CDK15: variants seen among roughly 807,000 people sequenced by gnomAD.
The protein encoded by CDK15 is cyclin-dependent kinase 15.
CDK15 carries 62 observed loss-of-function variants against 60.3 expected under a neutral mutation model. The ratio of observed to expected loss-of-function variants is 1.03; its 90% CI spans 0.84 to 1.27. CDK15 has a LOEUF of 1.27. Ranked by LOEUF, CDK15 falls within the 50% of genes most tolerant of loss-of-function variation. The pLI is 0.00. For missense variants in CDK15, 541 were observed against 527.8 expected, an observed-to-expected ratio of 1.03 and a Z score of -0.25; for synonymous variants, 194 against 195.7, an observed-to-expected ratio of 0.99 and a Z score of 0.07.
chr2:201,865,889 C>CAAAAAAAAAAAAA (rs1262940691), intron 10 of CDK15, among the ~76,000 whole-genome samples: 1 of 24,830 alleles, frequency 4.0e-5, no homozygotes, highest in Non-Finnish European at 8.2e-5. Context: ...GATTCCATCT[C>CAAAAAAAAAAAAA]AACAAAAAAA....
chr2:201,836,160 A>ATAT (rs1697068423), intron 8 of CDK15, among the ~76,000 whole-genome samples: 11 of 23,784 alleles, frequency 4.6e-4, no homozygotes, highest in Non-Finnish European at 9.8e-4. Context: ...TATTTTATAT[A>ATAT]TTTATATATT....
At chr2:201,835,243 C>T (rs1197162977) in intron 7 of CDK15, among the ~76,000 whole-genome samples, 8 of 152,194 alleles carry the variant, frequency 5.3e-5, no homozygotes, top group Non-Finnish European at 1.0e-4. Context: ...GCTTCTGTCA[C>T]GTGGCTCCTC....
intron 2 of CDK15, 65 bp from the exon 3 acceptor site, chr2:201,807,793 C>CT (rs1051456255): frequency 2.6e-6 from 4 of 1,555,908 alleles, no homozygotes; most frequent in African/African-American, 2.8e-5. Flanking sequence ...AAAGTCAACA[C>CT]TAAAAAAAAG....
chr2:201,839,965 GT>G (rs1178167563), intron 8 of CDK15, among the ~76,000 whole-genome samples: 10 of 144,010 alleles, frequency 6.9e-5, no homozygotes, highest in South Asian at 2.3e-4. Flanking sequence ...TGCTGCTGGG[GT>G]TTTTTTTTTG....
At chr2:201,825,443 C>G (rs1696433416) in intron 6 of CDK15, among the ~76,000 whole-genome samples, 1 of 151,824 alleles carries the variant, frequency 6.6e-6, no homozygotes, top group Non-Finnish European at 1.5e-5. Flanking sequence ...GGGAACCTAA[C>G]CCAGTCCTGG....
At chr2:201,888,928 A>G (rs1008435732) in intron 12 of CDK15, 1 of 990,492 alleles carries the variant, frequency 1.0e-6, no homozygotes, top group Non-Finnish European at 1.2e-6. Flanking sequence ...TTAACTGTCT[A>G]TGCTATGACA....
chr2:201,812,019 C>A (rs1265472436), intron 3 of CDK15, among the ~76,000 whole-genome samples: 5 of 151,698 alleles, frequency 3.3e-5, no homozygotes, highest in Non-Finnish European at 7.4e-5. Flanking sequence ...GCTAAAAATA[C>A]AAAAATTAGC....
intron 9 of CDK15, 144 bp downstream of exon 9, chr2:201,847,618 AC>A: frequency 2.8e-6 from 2 of 703,058 alleles, no homozygotes; most frequent in South Asian, 3.8e-5. Context: ...AGCATTTGCC[AC>A]AGCTATAAGC....
At chr2:201,849,739 C>T (rs1393905101) in intron 9 of CDK15, among the ~76,000 whole-genome samples, 2 of 152,114 alleles carry the variant, frequency 1.3e-5, no homozygotes, top group Non-Finnish European at 2.9e-5. Flanking sequence ...TATTAGGATA[C>T]TTGAAGAGTA....
intron 4 of CDK15, among the ~76,000 whole-genome samples, chr2:201,814,189 A>G (rs1015604447): frequency 6.6e-6 from 1 of 152,224 alleles, no homozygotes; most frequent in African/African-American, 2.4e-5. Context: ...GTTTGCTAAC[A>G]GATGGTTCTC....
chr2:201,847,009 A>G (rs1297107870), intron 8 of CDK15, among the ~76,000 whole-genome samples: 1 of 152,192 alleles, frequency 6.6e-6, no homozygotes, highest in Non-Finnish European at 1.5e-5. Flanking sequence ...TCTTAATGGC[A>G]AAAAACCAAT....
chr2:201,820,509 C>T (rs779140385), intron 4 of CDK15, among the ~76,000 whole-genome samples: 1 of 152,110 alleles, frequency 6.6e-6, no homozygotes, highest in Non-Finnish European at 1.5e-5. Context: ...TCAGAAAAGA[C>T]GATGTCTCTT....
rs1699319364 is a variant in CDK15, at chr2:201,882,604, G to C, written c.1198+2437G>C. ...GAGAAGATGAAAGCGCCGGTGCCAAGAGACAGGGAAAGGCGGGGGCAAGAT... is the reference window on the plus strand; with the variant it reads ...GAGAAGATGAAAGCGCCGGTGCCAACAGACAGGGAAAGGCGGGGGCAAGAT... On this transcript the variant is annotated intron_variant, in intron 12 of 13. Transcript: ENST00000652192. This position sits in a 1 kb window ranked among gnomAD's most constrained non-coding sequence, Gnocchi z 4.0. Among the ~76,000 whole-genome samples, 1 of 150,922 alleles carries C rather than the reference G, an allele frequency of 6.6e-6. No individual in the cohort carries two copies. The highest frequency in any genetic ancestry group is 1.5e-5 in the Non-Finnish European group (1 of 67,614).
intron 4 of CDK15, among the ~76,000 whole-genome samples, chr2:201,814,393 G>A (rs182878518): frequency 6.6e-6 from 1 of 152,302 alleles, no homozygotes; most frequent in East Asian, 1.9e-4. Context: ...AAAACCACAA[G>A]AGGATTTCTG....
chr2:201,812,578 A>G lies in CDK15; in HGVS notation c.448+16A>G, dbSNP rs1406089323. The stretch of plus-strand genomic sequence containing the variant: ...ATCCGAGAAGGTAAGAACAGCAGAA[A>G]TGGACCCAATAGATCTGTTTTGAGT... On this transcript the variant is annotated intron_variant, in intron 4 of 13. Coordinates refer to ENST00000652192, the MANE Select transcript of CDK15 (RefSeq NM_001366386.2). 4 of 1,571,700 alleles carry G rather than the reference A, an allele frequency of 2.5e-6. No homozygotes were observed. The highest frequency in any genetic ancestry group is 3.5e-6 in the Non-Finnish European group (4 of 1,142,126).
At chr2:201,835,921 ATTTATAT>A (rs1559125734) in intron 8 of CDK15, among the ~76,000 whole-genome samples, 158 bp downstream of exon 8, 2 of 138,612 alleles carry the variant, frequency 1.4e-5, no homozygotes, top group Non-Finnish European at 3.1e-5. Context: ...ATAGTTATAT[ATTTATAT>A]TTTATATATT....
chr2:201,839,663 T>TAGCC (rs1559128697), intron 8 of CDK15, among the ~76,000 whole-genome samples: 1 of 146,868 alleles, frequency 6.8e-6, no homozygotes, highest in Admixed American at 6.7e-5. Flanking sequence ...AGAAAAGATA[T>TAGCC]AGACAGACAG....
rs755522252 is a variant in CDK15, at chr2:201,806,697, G to A, written c.33G>A (p.Gln11=). 1 of 1,597,636 alleles carries A rather than the reference G, an allele frequency of 6.3e-7. No individual in the cohort carries two copies. Among genetic ancestry groups the A allele is most frequent in the East Asian group, 2.2e-5 (1 of 44,882 alleles). Residue 11 remains glutamine (Q), a synonymous_variant, in exon 1 of 14, where the codon CAG becomes CAA. Transcript: ENST00000652192. MGQELCAKTV[Q]PGCSCYHCSE... ...AAGAGCTGTGTGCAAAGACTGTACA[G>A]CCTGGATGCAGCTGCTACCATTGTT...
At chr2:201,826,531 A>ATGTT (rs965226531) in intron 6 of CDK15, among the ~76,000 whole-genome samples, 3 of 151,564 alleles carry the variant, frequency 2.0e-5, no homozygotes, top group African/African-American at 7.3e-5. Context: ...ATAGGAGAGC[A>ATGTT]TGTTACAGGG....
Sources: allele counts gnomAD v4.1 joint callset (sites outside exome capture counted in the v4.1 genomes callset), GRCh38; gene constraint gnomAD v4.1.1; non-coding constraint Gnocchi (gnomAD v3.1); transcripts MANE v1.5; gene names NCBI Gene and HGNC (gene_info 2026-07-23, HGNC 2026-07-21).